The following SASH1 variants were observed in gnomAD, a reference collection of about 807,000 sequenced individuals.
SASH1 encodes the protein SAM and SH3 domain-containing protein 1.
In SASH1, 44 loss-of-function variants were observed where a neutral mutation model predicts 125.2. That is an observed-to-expected ratio of 0.35 (90% CI 0.28 to 0.45). SASH1 has a LOEUF of 0.45. Among genes scored for constraint, SASH1 ranks in the 20% least tolerant of loss-of-function variants. The pLI is 1.00. For synonymous variants in SASH1, 639 were observed against 649.1 expected (o/e 0.98, Z 0.24); for missense variants, 1,426 against 1,614.5 (o/e 0.88, Z 2.00).
At chr6:148,225,381 A>G in the SASH1 span, among the ~76,000 whole-genome samples, 1,665 of 151,888 alleles carry the variant, frequency 0.011, 16 homozygotes, top group Middle Eastern at 0.037. Context: ...ACCATGGAAT[A>G]CTACTCATCC....
the SASH1 span, among the ~76,000 whole-genome samples, chr6:148,212,912 G>A: frequency 3.9e-5 from 6 of 152,280 alleles, no homozygotes; most frequent in Non-Finnish European, 5.9e-5. Context: ...CATGCAGTCC[G>A]GTGATGGGGA....
At chr6:148,508,638 C>G (rs2115302123) in intron 8 of SASH1, 2 of 1,151,276 alleles carry the variant, frequency 1.7e-6, no homozygotes, top group South Asian at 3.6e-5. Flanking sequence ...AGTCAGCAAG[C>G]AGAAAGAAGC....
At chr6:148,476,639 C>T (rs560924990) in intron 7 of SASH1, among the ~76,000 whole-genome samples, 22 of 152,208 alleles carry the variant, frequency 1.4e-4, no homozygotes, top group Admixed American at 3.9e-4. Context: ...AAGATCATGC[C>T]GTTGAACTCC....
In SASH1 at chr6:148,302,139, C is replaced by A. The variant is rs113593990; in HGVS notation, n.74+29762C>A. Among the ~76,000 whole-genome samples the A allele has an allele frequency of 4.6e-3, 430 of 92,952 alleles. 1 individual carries two copies. The Middle Eastern group carries it at 0.057, about 12-fold the overall frequency. 61.0% of individuals were successfully genotyped at this position (92,952 alleles called of 152,430 possible). A position where few individuals can be genotyped will look rare whatever the true frequency, so the allele number is the denominator to read the frequency against. ...GACCATCCTGGCTAACATGGTGAAA[C>A]CCCGTCTCTACTAAAAATACAAAAA... On this transcript the variant is annotated intron_variant and non_coding_transcript_variant, in intron 1 of 3. Transcript: ENST00000367469.
chr6:148,362,700 T>C (rs993237169), intron 1 of SASH1, among the ~76,000 whole-genome samples: 1 of 151,826 alleles, frequency 6.6e-6, no homozygotes, highest in Non-Finnish European at 1.5e-5. Context: ...AATAAAAAAT[T>C]AGTCAGGTGT....
In SASH1 at chr6:148,326,371, T is replaced by TACAC. The variant is rs1554235359; in HGVS notation, n.74+53995_74+53996insCACA. On this transcript the variant is annotated intron_variant and non_coding_transcript_variant, in intron 1 of 3. Coordinates refer to the SASH1 transcript ENST00000367469. ...ATATATATATATGCATATATATATA[T>TACAC]ATACATTCTTTTCTTTTCTTTTCTT... Among the ~76,000 whole-genome samples the TACAC allele has an allele frequency of 2.1e-3, 155 of 74,486 alleles. 6 individuals are homozygous for TACAC. The highest frequency in any genetic ancestry group is 4.6e-3 in the East Asian group (7 of 1,528). 48.9% of individuals were successfully genotyped at this position (74,486 alleles called of 152,430 possible).
intron 1 of SASH1, among the ~76,000 whole-genome samples, chr6:148,354,628 A>G (rs1423994072): frequency 6.6e-6 from 1 of 152,236 alleles, no homozygotes; most frequent in African/African-American, 2.4e-5. Context: ...TAAAGCCATC[A>G]TATAACAATG....
the SASH1 span, among the ~76,000 whole-genome samples, chr6:148,256,150 T>C: frequency 6.6e-6 from 1 of 152,224 alleles, no homozygotes; most frequent in African/African-American, 2.4e-5. Flanking sequence ...CGGAATTCAA[T>C]TCCATTATTT....
At chr6:148,256,954 CT>C in the SASH1 span, among the ~76,000 whole-genome samples, 2 of 151,974 alleles carry the variant, frequency 1.3e-5, no homozygotes, top group East Asian at 1.9e-4. Flanking sequence ...GGTGTGGAGG[CT>C]TTTTTTGCAT....
chr6:148,544,161 C>A lies in SASH1; in HGVS notation c.2691C>A (p.Ser897Arg). 6.2e-7 allele frequency: 1 copy of A among 1,614,132 alleles called. No individual in the cohort carries two copies. Among genetic ancestry groups the A allele is most frequent in the Non-Finnish European group, 8.5e-7 (1 of 1,180,050 alleles). ...ACAATGCATTGCTACTGACCCAAAG[C>A]AAGAGATTTTCTGAACCTCAGAAAT... ...AVDNALLLTQSKRFSEPQKLT... is the reference protein window; with the variant it reads ...AVDNALLLTQRKRFSEPQKLT... Residue 897 changes from serine to arginine, a missense_variant, in exon 18 of 20, where the codon AGC (serine) becomes AGA (arginine). Around this residue, in one of 3 missense-constraint regions of SASH1, gnomAD observed 634 missense variants for 694.4 expected, o/e 0.91. Coordinates refer to ENST00000367467, the MANE Select transcript of SASH1 (RefSeq NM_015278.5). This position sits in a 1 kb window ranked among gnomAD's most constrained non-coding sequence, Gnocchi z 6.4.
the SASH1 span, among the ~76,000 whole-genome samples, chr6:148,202,619 AT>A: frequency 6.6e-6 from 1 of 152,238 alleles, no homozygotes. Context: ...AGAGTGGAAG[AT>A]TCTTGTGAAG....
intron 4 of SASH1, among the ~76,000 whole-genome samples, chr6:148,467,995 C>CATTG (rs1292817656): frequency 3.9e-5 from 6 of 152,270 alleles, no homozygotes; most frequent in Admixed American, 2.6e-4. Context: ...GCAGGATGGA[C>CATTG]ATTGCACTTG....
chr6:148,433,222 CT>C (rs1776135147), intron 2 of SASH1, among the ~76,000 whole-genome samples: 1 of 151,938 alleles, frequency 6.6e-6, no homozygotes, highest in Admixed American at 6.6e-5. Flanking sequence ...ATTCATTTTT[CT>C]TTTTAACTAT....
chr6:148,255,526 T>C, the SASH1 span, among the ~76,000 whole-genome samples: 1 of 152,186 alleles, frequency 6.6e-6, no homozygotes, highest in Non-Finnish European at 1.5e-5. Context: ...CATCCTCTTA[T>C]ACACAGGCAA....
At chr6:148,543,626 G>A (rs1342346375) in intron 17 of SASH1, 54 bp from the exon 18 acceptor site, 6 of 1,447,420 alleles carry the variant, frequency 4.1e-6, no homozygotes, top group Admixed American at 4.6e-5. Flanking sequence ...TTATGCATCC[G>A]TTTGATTGAT....
intron 19 of SASH1, among the ~76,000 whole-genome samples, chr6:148,547,372 T>C (rs1025509099): frequency 4.6e-5 from 7 of 152,124 alleles, no homozygotes; most frequent in Admixed American, 1.3e-4. Flanking sequence ...TGGTGTGAGA[T>C]TTCTTCAGAC....
chr6:148,278,336 C>T (rs780860290), intron 1 of SASH1, among the ~76,000 whole-genome samples: 14 of 152,084 alleles, frequency 9.2e-5, no homozygotes, highest in Non-Finnish European at 1.6e-4. Context: ...CGCACCCGGC[C>T]GGGAGAGGCT....
At chr6:148,246,134 G>A in the SASH1 span, among the ~76,000 whole-genome samples, 1 of 151,186 alleles carries the variant, frequency 6.6e-6, no homozygotes, top group African/African-American at 2.4e-5. Context: ...CTCTCTCCCT[G>A]TCTCTCTCTC....
In SASH1 at chr6:148,380,071, A is replaced by G. The variant is rs1227829774; in HGVS notation, c.157-10063A>G. 6 of 436,638 alleles carry G rather than the reference A, an allele frequency of 1.4e-5. 1 individual carries two copies. Among genetic ancestry groups the G allele is most frequent in the Middle Eastern group, 3.8e-4 (1 of 2,646 alleles). 27.0% of individuals were successfully genotyped at this position (436,638 alleles called of 1,614,324 possible). ...ATAGCACCAAGAAACAGTTGCTTCA[A>G]CCTTAGCTGTATAAAAGCAGAGGGT... On this transcript the variant is annotated intron_variant, in intron 1 of 19. Transcript: ENST00000367467.
Sources: allele counts gnomAD v4.1 joint callset (sites outside exome capture counted in the v4.1 genomes callset), GRCh38; gene constraint gnomAD v4.1.1; regional missense constraint gnomAD v4.1.1; non-coding constraint Gnocchi (gnomAD v3.1); transcripts MANE v1.5; gene names NCBI Gene and HGNC (gene_info 2026-07-23, HGNC 2026-07-21).